The following ATRIP variants were observed in gnomAD, a reference collection of about 807,000 sequenced individuals.
ATRIP encodes ATR-interacting protein.
A neutral mutation model predicts 78.1 loss-of-function variants in ATRIP; 44 were observed. That is an observed-to-expected ratio of 0.56 (90% CI 0.44 to 0.72). The LOEUF is 0.72. Among genes scored for constraint, ATRIP ranks in the 30% least tolerant of loss-of-function variants. The probability of loss-of-function intolerance (pLI) is 0.00; values close to 1 mark genes in which losing one functional copy is unlikely to be tolerated. For synonymous variants in ATRIP, 388 were observed against 408.9 expected (o/e 0.95, Z 0.62); for missense variants, 927 against 980.2 (o/e 0.95, Z 0.72).
chr3:48,450,624 T>A, intron 2 of ATRIP: 1 of 1,043,690 alleles, frequency 9.6e-7, no homozygotes, highest in South Asian at 1.4e-5. Flanking sequence ...ATGGAGTCTG[T>A]CATCCAGGCT....
intron 8 of ATRIP, 103 bp downstream of exon 8, chr3:48,460,902 A>G: frequency 1.7e-6 from 2 of 1,152,782 alleles, no homozygotes; most frequent in Middle Eastern, 2.8e-4. Flanking sequence ...ACTTATCTAC[A>G]CTAGTTAGTT....
At chr3:48,447,137 G>A (rs374884213) in intron 1 of ATRIP, 45 bp downstream of exon 1, 7 of 1,439,154 alleles carry the variant, frequency 4.9e-6, no homozygotes, top group Non-Finnish European at 6.4e-6. Context: ...GTTGTCAACC[G>A]CGCCAGATCC....
chr3:48,449,115 G>T (rs2039762001), intron 1 of ATRIP, among the ~76,000 whole-genome samples: 1 of 152,000 alleles, frequency 6.6e-6, no homozygotes, highest in South Asian at 2.1e-4. Context: ...GTTTTAGAAG[G>T]ATCATTTATG....
intron 12 of ATRIP, 133 bp downstream of exon 12, chr3:48,465,216 C>T: frequency 8.2e-7 from 1 of 1,215,112 alleles, no homozygotes; most frequent in Non-Finnish European, 1.1e-6. Context: ...GGGCCATTTT[C>T]TTTTATCTTC....
At chr3:48,464,219 C>A in intron 10 of ATRIP, 87 bp downstream of exon 10, 1 of 1,223,002 alleles carries the variant, frequency 8.2e-7, no homozygotes, top group Non-Finnish European at 1.2e-6. Context: ...TGAGGAGAAA[C>A]GGAGCTTTAA....
intron 5 of ATRIP, 100 bp downstream of exon 5, chr3:48,457,516 T>A (rs2039984113): frequency 9.9e-7 from 1 of 1,006,534 alleles, no homozygotes. Context: ...GATCAGCAAT[T>A]CTGACAAGGC....
At position 48,464,856 on chromosome 3, in the gene ATRIP, T is replaced by C. The variant is rs1397215917; in HGVS notation, c.2081T>C (p.Leu694Ser). 6.2e-7 allele frequency: 1 copy of C among 1,613,174 alleles called. No homozygotes were observed. The highest frequency in any genetic ancestry group is 1.1e-5 in the South Asian group (1 of 91,048). ...VEVVRALTVM[L>S]HRQWLTVRRA... ...GTGGTCAGAGCGCTCACGGTGATGT[T>C]GCACAGACAGTGGCTGACAGTGCGG... is the stretch of plus-strand genomic sequence containing the variant. The change falls in exon 12 of 13, where the codon TTG (leucine) becomes TCG (serine). Residue 694 changes from leucine (L) to serine (S), a missense_variant. Physicochemically the swap from Leu to Ser is moderately radical, Grantham distance 145. Transcript: ENST00000320211.
At chr3:48,451,538 T>G (rs1284476781) in intron 2 of ATRIP, among the ~76,000 whole-genome samples, 191 bp from the exon 3 acceptor site, 2 of 152,174 alleles carry the variant, frequency 1.3e-5, no homozygotes, top group Non-Finnish European at 2.9e-5. Flanking sequence ...TAAGCTATCT[T>G]GATGAATATC....
intron 8 of ATRIP, 25 bp downstream of exon 8, chr3:48,460,824 A>G: frequency 6.4e-7 from 1 of 1,564,858 alleles, no homozygotes. Context: ...AGGAGTCATG[A>G]TTCTTTGTGG....
intron 2 of ATRIP, among the ~76,000 whole-genome samples, chr3:48,450,776 G>T (rs1361000002): frequency 6.6e-6 from 1 of 151,778 alleles, no homozygotes; most frequent in Admixed American, 6.6e-5. Flanking sequence ...TAGTAGAGAC[G>T]GAGTTTCACC....
intron 1 of ATRIP, 159 bp downstream of exon 1, chr3:48,447,251 C>G: frequency 7.9e-7 from 1 of 1,267,280 alleles, no homozygotes; most frequent in Non-Finnish European, 9.9e-7. Flanking sequence ...TCCAGAAGGT[C>G]CTTTGATTTT....
intron 12 of ATRIP, 109 bp from the exon 13 acceptor site, chr3:48,465,378 G>A (rs1173899933): frequency 1.2e-5 from 13 of 1,121,522 alleles, no homozygotes; most frequent in South Asian, 5.4e-5. Flanking sequence ...GGGCCTGGGT[G>A]TGGAAGGGAC....
In ATRIP at chr3:48,460,552, G is replaced by T. The variant is rs2107226100; in HGVS notation, c.1498G>T (p.Val500Leu). Residue 500 changes from valine (V) to leucine (L), a missense_variant, in exon 8 of 13, where the codon GTG becomes TTG. Transcript: ENST00000320211. ...GAVVSLLLSG[V>L]GADSAAGEGN... ...AGTCGTCTCCCTATTACTGTCAGGA[G>T]TGGGGGCAGATTCTGCTGCTGGGGA... is the stretch of plus-strand genomic sequence containing the variant. 6.2e-7 allele frequency: 1 copy of T among 1,614,234 alleles called. No homozygotes were observed.
Position 48,460,160 on chromosome 3 carries a change from C to A in ATRIP, c.1106C>A (p.Ser369Ter). The A allele has an allele frequency of 6.2e-7, 1 of 1,613,912 alleles. No individual in the cohort carries two copies. The highest frequency in any genetic ancestry group is 1.1e-5 in the South Asian group (1 of 91,056). ...AGGACCACAGGTTCTTATGATGGGT[C>A]ATTTTCCCTCTCAGCCCTGAGAGAA... ...GLRTTGSYDG[S>*]FSLSALREAQ... Residue 369 changes from serine (S) to a stop codon, truncating the protein, a stop_gained, in exon 8 of 13, where the codon TCA (serine) becomes TAA (stop). Transcript: ENST00000320211. LOFTEE classifies it high-confidence loss of function.
chr3:48,451,286 T>G (rs769167536), intron 2 of ATRIP, among the ~76,000 whole-genome samples: 16 of 152,072 alleles, frequency 1.1e-4, no homozygotes, highest in Non-Finnish European at 2.1e-4. Flanking sequence ...ACCCAAGAGT[T>G]CAAGACCAGC....
intron 1 of ATRIP, 175 bp downstream of exon 1, chr3:48,447,267 G>A (rs2107183002): frequency 1.6e-6 from 2 of 1,266,610 alleles, no homozygotes; most frequent in Non-Finnish European, 2.0e-6. Flanking sequence ...ATTTTAGGGG[G>A]AAATGCATTA....
chr3:48,457,321 C>T lies in ATRIP; in HGVS notation c.734C>T (p.Thr245Ile). Residue 245 changes from threonine to isoleucine, a missense_variant, in exon 5 of 13, where the codon ACA becomes ATA. Thr to Ile is a moderately conservative substitution (Grantham distance 89). Coordinates refer to ENST00000320211, the MANE Select transcript of ATRIP (RefSeq NM_130384.3). ...GCATGTTCTCCACAATTTGGAAAAA[C>T]ATCTTTTCCTACAAAGGAGTCTTTT... is the stretch of plus-strand genomic sequence containing the variant. ...PEACSPQFGK[T>I]SFPTKESFSA... 1 of 1,606,786 alleles carries T rather than the reference C, an allele frequency of 6.2e-7. No homozygotes were observed. The highest frequency in any genetic ancestry group is 8.5e-7 in the Non-Finnish European group (1 of 1,176,958).
intron 12 of ATRIP, 71 bp from the exon 13 acceptor site, chr3:48,465,416 G>A (rs2040253470): frequency 6.8e-7 from 1 of 1,474,232 alleles, no homozygotes; most frequent in Non-Finnish European, 9.5e-7. Context: ...CGTTGGGGGA[G>A]GAGAGGTGGG....
intron 3 of ATRIP, among the ~76,000 whole-genome samples, chr3:48,453,748 A>G (rs1288891760): frequency 6.6e-6 from 1 of 152,194 alleles, no homozygotes; most frequent in Non-Finnish European, 1.5e-5. Flanking sequence ...TCGTTAATAA[A>G]GGTCAATATG....
Sources: gnomAD v4.1 joint callset for allele counts (sites outside exome capture counted in the v4.1 genomes callset) on GRCh38, gnomAD v4.1.1 for gene constraint, MANE v1.5 for transcripts, NCBI Gene and HGNC (gene_info 2026-07-23, HGNC 2026-07-21) for gene names.